Variants in DISC1 observed in about 807,000 individuals in gnomAD.
DISC1 encodes the protein disrupted in schizophrenia 1 protein.
Under a neutral mutation model 84.5 loss-of-function variants are expected in DISC1, and 57 were observed. That is an observed-to-expected ratio of 0.67 (90% CI 0.55 to 0.84). DISC1 has a LOEUF of 0.84. Among genes scored for constraint, DISC1 ranks in the 40% least tolerant of loss-of-function variants. The pLI is 0.00. For synonymous variants in DISC1, 411 were observed against 415.2 expected (o/e 0.99, Z 0.12); for missense variants, 1,000 against 1,057.8 (o/e 0.95, Z 0.76).
intron 10 of DISC1, among the ~76,000 whole-genome samples, chr1:231,979,706 A>G (rs1394948677): frequency 1.3e-5 from 2 of 151,102 alleles, no homozygotes; most frequent in African/African-American, 4.9e-5. Flanking sequence ...AAAATATACT[A>G]ATGCAAATAC....
chr1:231,804,236 G>A, intron 8 of DISC1, among the ~76,000 whole-genome samples: 1 of 152,280 alleles, frequency 6.6e-6, no homozygotes, highest in South Asian at 2.1e-4. Flanking sequence ...TCAATGAGAG[G>A]TGTGTCAAAG....
chr1:231,851,358 A>C (rs2083884418), intron 9 of DISC1, among the ~76,000 whole-genome samples: 1 of 152,226 alleles, frequency 6.6e-6, no homozygotes, highest in Non-Finnish European at 1.5e-5. Context: ...CTGAATGTAC[A>C]GATGATTACC....
intron 1 of DISC1, among the ~76,000 whole-genome samples, chr1:231,668,110 T>G (rs1488822039): frequency 6.6e-6 from 1 of 151,894 alleles, no homozygotes; most frequent in East Asian, 1.9e-4. Flanking sequence ...AGTTTCAGGA[T>G]AAGTACAACA....
chr1:231,900,252 T>C (rs2088049158), intron 9 of DISC1, among the ~76,000 whole-genome samples: 6 of 152,348 alleles, frequency 3.9e-5, no homozygotes. Context: ...TCAGATTCTC[T>C]TTGTCCATCT....
At chr1:232,025,659 C>G (rs542263730) in intron 11 of DISC1, among the ~76,000 whole-genome samples, 206 of 135,814 alleles carry the variant, frequency 1.5e-3, no homozygotes, top group African/African-American at 5.3e-3. Flanking sequence ...TGCAGTGGTG[C>G]AATCTCGGCT....
At chr1:231,671,744 T>A (rs938672915) in intron 1 of DISC1, among the ~76,000 whole-genome samples, 3 of 152,190 alleles carry the variant, frequency 2.0e-5, no homozygotes, top group Non-Finnish European at 4.4e-5. Context: ...ACTGCCTGGG[T>A]TTTAATTAAA....
At chr1:231,907,956 G>A (rs534838112) in intron 9 of DISC1, among the ~76,000 whole-genome samples, 2 of 152,238 alleles carry the variant, frequency 1.3e-5, no homozygotes, top group East Asian at 3.9e-4. Flanking sequence ...TGTGTCTGTT[G>A]GCTGCATAAA....
intron 9 of DISC1, among the ~76,000 whole-genome samples, chr1:231,821,816 C>A (rs9432011): frequency 6.6e-6 from 1 of 150,928 alleles, no homozygotes; most frequent in South Asian, 2.1e-4. Context: ...CAGGTTCAAG[C>A]GATTCTCCTG....
intron 10 of DISC1, among the ~76,000 whole-genome samples, chr1:231,977,808 C>T (rs1438123593): frequency 1.3e-5 from 2 of 152,190 alleles, no homozygotes. Context: ...TAAAAAATAA[C>T]TGCAATACCA....
In DISC1 at chr1:231,736,613, T is replaced by C. The variant is rs557259478; in HGVS notation, c.1118-13313T>C. Among the ~76,000 whole-genome samples, 5 of 152,378 alleles carry C rather than the reference T, an allele frequency of 3.3e-5. No homozygotes were observed. In the South Asian group the frequency reaches 1.0e-3, roughly 32 times the overall value. On this transcript the variant is annotated intron_variant, in intron 3 of 12. Transcript: ENST00000439617. ...TCCAGTGTTCTGAAATGTCTGAGAC[T>C]GGCTCAGCTGTGCTCAGGTTAGTCT...
chr1:231,963,127 G>A (rs1660617664), intron 10 of DISC1, among the ~76,000 whole-genome samples: 1 of 152,158 alleles, frequency 6.6e-6, no homozygotes, highest in East Asian at 1.9e-4. Flanking sequence ...AAGCCTAAAT[G>A]CCTTACCATG....
chr1:232,030,167 C>T (rs748386127), intron 12 of DISC1, among the ~76,000 whole-genome samples: 22 of 152,130 alleles, frequency 1.4e-4, no homozygotes, highest in East Asian at 7.7e-4. Flanking sequence ...CCAGTCAAGT[C>T]GGGACTTCCA....
intron 10 of DISC1, among the ~76,000 whole-genome samples, chr1:232,008,337 G>A (rs1020251534): frequency 1.2e-4 from 18 of 152,182 alleles, no homozygotes; most frequent in African/African-American, 3.9e-4. Context: ...TCCCAAAAAG[G>A]TTATTTAAGC....
rs1351845820 is a variant in DISC1, at chr1:231,818,370, A to G, written c.1834A>G (p.Arg612Gly). The stretch of plus-strand genomic sequence containing the variant: ...GGCTAAAGACCTCACCGAGGAGATT[A>G]GATCATTAACATCAGAGAGAGAAGG... ...WTAKDLTEEI[R>G]SLTSEREGLE... Residue 612 changes from arginine to glycine, a missense_variant, in exon 9 of 13, where the codon AGA (arginine) becomes GGA (glycine). Physicochemically the swap from Arg to Gly is moderately radical, Grantham distance 125. Around this residue, in one of 3 missense-constraint regions of DISC1, gnomAD observed 397 missense variants for 377.5 expected, o/e 1.05. Transcript: ENST00000439617. 3 of 1,614,120 alleles carry G rather than the reference A, an allele frequency of 1.9e-6. No individual in the cohort carries two copies. The Admixed American group carries it at 5.0e-5, about 27-fold the overall frequency.
intron 9 of DISC1, among the ~76,000 whole-genome samples, chr1:231,951,312 C>A (rs921599107): frequency 8.5e-5 from 13 of 152,176 alleles, no homozygotes; most frequent in African/African-American, 3.1e-4. Flanking sequence ...CCTGTAGCTA[C>A]TCTGTCTTCC....
At chr1:231,683,015 G>T (rs2063841711) in intron 1 of DISC1, among the ~76,000 whole-genome samples, 1 of 152,200 alleles carries the variant, frequency 6.6e-6, no homozygotes, top group Non-Finnish European at 1.5e-5. Flanking sequence ...TCCTTGTGGG[G>T]CCCAGGACTC....
intron 3 of DISC1, among the ~76,000 whole-genome samples, chr1:231,710,755 G>GAAT (rs2067713945): frequency 6.6e-6 from 1 of 152,068 alleles, no homozygotes. Context: ...AGTCATATTG[G>GAAT]AATAGGATGC....
chr1:231,784,868 C>G (rs2077711645), intron 6 of DISC1, among the ~76,000 whole-genome samples: 1 of 152,232 alleles, frequency 6.6e-6, no homozygotes, highest in Admixed American at 6.5e-5. Context: ...CTGCACCACA[C>G]TGGCTTTCCC....
At chr1:231,796,302 C>A (rs1425862390) in intron 7 of DISC1, among the ~76,000 whole-genome samples, 1 of 151,336 alleles carries the variant, frequency 6.6e-6, no homozygotes, top group Non-Finnish European at 1.5e-5. Flanking sequence ...ATGAATCATT[C>A]ATTATTTGCA....
Sources: allele counts gnomAD v4.1 joint callset (sites outside exome capture counted in the v4.1 genomes callset), GRCh38; gene constraint gnomAD v4.1.1; regional missense constraint gnomAD v4.1.1; transcripts MANE v1.5; gene names NCBI Gene and HGNC (gene_info 2026-07-23, HGNC 2026-07-21).